HNF1B: variants seen among roughly 807,000 people sequenced by gnomAD.
HNF1B encodes the protein hepatocyte nuclear factor 1-beta.
HNF1B carries 8 observed loss-of-function variants against 61.7 expected under a neutral mutation model. The observed-to-expected ratio is 0.13, with a 90% CI of 0.08 to 0.23. The LOEUF is 0.23. HNF1B is among the 10% of genes least tolerant of loss of function. The probability of loss-of-function intolerance (pLI) is 1.00; values close to 1 mark genes in which losing one functional copy is unlikely to be tolerated. For missense variants in HNF1B, 562 were observed against 714.5 expected, an observed-to-expected ratio of 0.79 and a Z score of 2.43; for synonymous variants, 314 against 287.7, an observed-to-expected ratio of 1.09 and a Z score of -0.93.
rs2033692513 is a variant in HNF1B at position 37,731,733 on chromosome 17, G to A, written c.907C>T (p.Arg303Cys). Residue 303 changes from arginine (R) to cysteine (C), a missense_variant, in exon 4 of 9, where the codon CGC becomes TGC. By Grantham distance (180) the Arg-to-Cys change is radical (BLOSUM62 -3). This residue lies in a region of HNF1B where 54 missense variants were observed against 122.1 expected (regional missense o/e 0.44). Transcript: ENST00000617811. ...TGCCGGAATGCCTCCTCCTTCCTGC[G>A]GTTTGCAAACCAGTTGTAGACACGG... The part of the protein sequence containing the change: ...EVRVYNWFAN[R>C]RKEEAFRQKL... 6.2e-7 allele frequency: 1 copy of A among 1,614,118 alleles called. No individual in the cohort carries two copies.
At chr17:37,737,138 C>T (rs535105149) in intron 2 of HNF1B, among the ~76,000 whole-genome samples, 1 of 152,198 alleles carries the variant, frequency 6.6e-6, no homozygotes, top group East Asian at 1.9e-4. Context: ...TTTTTATTCT[C>T]TCCCCTCTTC....
At chr17:37,692,646 C>T (rs1474252772) in intron 8 of HNF1B, among the ~76,000 whole-genome samples, 1 of 152,160 alleles carries the variant, frequency 6.6e-6, no homozygotes, top group African/African-American at 2.4e-5. Flanking sequence ...ATTTACTGAA[C>T]ATCTAATATA....
intron 4 of HNF1B, 59 bp from the exon 5 acceptor site, chr17:37,710,722 G>GACTC: frequency 6.5e-7 from 1 of 1,536,156 alleles, no homozygotes; most frequent in Non-Finnish European, 8.9e-7. Context: ...CTGGAACAAT[G>GACTC]ACTCGGCACC....
At chr17:37,697,870 C>A (rs1164557175) in intron 8 of HNF1B, among the ~76,000 whole-genome samples, 13 of 152,092 alleles carry the variant, frequency 8.5e-5, no homozygotes, top group African/African-American at 3.1e-4. Context: ...CCCAAGACAC[C>A]AGTTACTTAA....
intron 8 of HNF1B, among the ~76,000 whole-genome samples, chr17:37,692,391 C>T (rs1377869275): frequency 6.6e-6 from 1 of 152,192 alleles, no homozygotes; most frequent in African/African-American, 2.4e-5. Context: ...AGTGAGAAAG[C>T]CAGTCTGGAA....
chr17:37,698,734 G>T (rs2032464941), intron 8 of HNF1B, among the ~76,000 whole-genome samples: 1 of 152,096 alleles, frequency 6.6e-6, no homozygotes, highest in South Asian at 2.1e-4. Context: ...GTCCTCCTGA[G>T]CCCTCCTTGG....
chr17:37,710,069 C>T (rs889126594), intron 5 of HNF1B, among the ~76,000 whole-genome samples: 2 of 152,196 alleles, frequency 1.3e-5, no homozygotes, highest in Non-Finnish European at 2.9e-5. Context: ...GCTAATGACT[C>T]TTCTTGTCAG....
At chr17:37,710,718 C>A in intron 4 of HNF1B, 55 bp from the exon 5 acceptor site, 1 of 1,557,426 alleles carries the variant, frequency 6.4e-7, no homozygotes, top group Non-Finnish European at 8.8e-7. Context: ...GGTCCTGGAA[C>A]AATGACTCGG....
In HNF1B at chr17:37,701,175, G is replaced by A. The variant is rs1407464454; in HGVS notation, c.1342C>T (p.Leu448Phe). Reference sequence around the variant, plus strand: ...ACACTCTGTGCTTGGGAGGTGTTGAGGCCTGTGGGAGCAAGAGGAAAAGAT... The same window carrying A: ...ACACTCTGTGCTTGGGAGGTGTTGAAGCCTGTGGGAGCAAGAGGAAAAGAT... ...LSGVMAIAQS[L>F]NTSQAQSVPV... is the part of the protein sequence containing the mutation. The change falls in exon 7 of 9, where the codon CTC becomes TTC. Residue 448 changes from leucine to phenylalanine, a missense_variant and splice_region_variant. Transcript: ENST00000617811. 1 of 1,550,798 alleles carries A rather than the reference G, an allele frequency of 6.4e-7. No individual in the cohort carries two copies. The highest frequency in any genetic ancestry group is 8.7e-7 in the Non-Finnish European group (1 of 1,147,086).
intron 1 of HNF1B, among the ~76,000 whole-genome samples, chr17:37,739,980 T>C (rs1377252700): frequency 6.6e-6 from 1 of 152,040 alleles, no homozygotes; most frequent in Non-Finnish European, 1.5e-5. Context: ...ATTATTATTT[T>C]TTTTGATGTG....
intron 8 of HNF1B, among the ~76,000 whole-genome samples, chr17:37,697,368 C>T (rs985544369): frequency 6.6e-6 from 1 of 152,192 alleles, no homozygotes; most frequent in African/African-American, 2.4e-5. Flanking sequence ...TGGGAGGCCA[C>T]TCATGCAGCT....
intron 1 of HNF1B, among the ~76,000 whole-genome samples, chr17:37,744,284 C>T (rs976002157): frequency 1.3e-5 from 2 of 152,252 alleles, no homozygotes; most frequent in African/African-American, 2.4e-5. Flanking sequence ...CCGGCCCAGC[C>T]CCAGCCCCGC....
At chr17:37,713,646 C>T (rs1367055816) in intron 4 of HNF1B, among the ~76,000 whole-genome samples, 3 of 152,190 alleles carry the variant, frequency 2.0e-5, no homozygotes, top group African/African-American at 7.2e-5. Flanking sequence ...GTTTTAATCT[C>T]AGCTCTGCTA....
At chr17:37,725,212 G>A (rs755395558) in intron 4 of HNF1B, among the ~76,000 whole-genome samples, 1 of 152,184 alleles carries the variant, frequency 6.6e-6, no homozygotes, top group African/African-American at 2.4e-5. Context: ...GTGCTTGCAG[G>A]CAGCTTCCTT....
chr17:37,707,082 T>A (rs551823185), intron 5 of HNF1B, among the ~76,000 whole-genome samples: 17 of 152,232 alleles, frequency 1.1e-4, no homozygotes, highest in African/African-American at 3.9e-4. Flanking sequence ...CTTGATCAAG[T>A]TACTTCCCAT....
intron 4 of HNF1B, among the ~76,000 whole-genome samples, chr17:37,727,005 G>T (rs78488282): frequency 1.3e-5 from 2 of 152,026 alleles, no homozygotes; most frequent in Non-Finnish European, 2.9e-5. Flanking sequence ...GCTTGCTGCC[G>T]ACTAGAGCAA....
chr17:37,690,296 T>TGGAG (rs201044963), intron 8 of HNF1B, among the ~76,000 whole-genome samples: 4 of 151,630 alleles, frequency 2.6e-5, no homozygotes, highest in African/African-American at 9.7e-5. Flanking sequence ...GAGCGGGTGA[T>TGGAG]GGAGGGAGGA....
intron 4 of HNF1B, among the ~76,000 whole-genome samples, chr17:37,711,644 A>G (rs73982512): frequency 0.063 from 9,594 of 152,310 alleles, 340 homozygotes; most frequent in Non-Finnish European, 0.074. Context: ...GGTTGGGGGT[A>G]CATGGGGCAT....
At position 37,726,360 on chromosome 17, in the gene HNF1B, C is replaced by T. The variant is rs535361052; in HGVS notation, c.1045+5235G>A. ...AATGAAGATGACACTAGAGATGGCT[C>T]CTACTCTGCAGGGCTGTTGTGTGGG... On this transcript the variant is annotated intron_variant, in intron 4 of 8. Coordinates refer to ENST00000617811, the MANE Select transcript of HNF1B (RefSeq NM_000458.4). Among the ~76,000 whole-genome samples the T allele has an allele frequency of 1.4e-3, 211 of 152,306 alleles. 1 individual carries two copies. The highest frequency in any genetic ancestry group is 5.0e-3 in the African/African-American group (206 of 41,566).
Sources: allele counts gnomAD v4.1 joint callset (sites outside exome capture counted in the v4.1 genomes callset), GRCh38; gene constraint gnomAD v4.1.1; regional missense constraint gnomAD v4.1.1; transcripts MANE v1.5; gene names NCBI Gene and HGNC (gene_info 2026-07-23, HGNC 2026-07-21).